The following FMN2 variants were observed in gnomAD, a reference collection of about 807,000 sequenced individuals.
FMN2 encodes the protein formin-2.
Under a neutral mutation model 142.3 loss-of-function variants are expected in FMN2, and 51 were observed. That is an observed-to-expected ratio of 0.36 (90% CI 0.29 to 0.45). The LOEUF is 0.45. Ranked by LOEUF, FMN2 falls within the 20% of genes least tolerant of loss-of-function variation. FMN2 has a pLI of 1.00. For synonymous variants in FMN2, 882 were observed against 869.8 expected, an observed-to-expected ratio of 1.01 and a Z score of -0.25; for missense variants, 1,936 against 2,122.8, an observed-to-expected ratio of 0.91 and a Z score of 1.73.
At chr1:240,343,806 C>G (rs113327437) in intron 13 of FMN2, among the ~76,000 whole-genome samples, 50 of 152,214 alleles carry the variant, frequency 3.3e-4, no homozygotes, top group African/African-American at 1.2e-3. Context: ...AAGACATAGA[C>G]GTACGTAGTG....
intron 8 of FMN2, among the ~76,000 whole-genome samples, chr1:240,308,265 A>G (rs1670480490): frequency 6.6e-6 from 1 of 152,206 alleles, no homozygotes; most frequent in Admixed American, 6.5e-5. Context: ...AGGGAGGGGA[A>G]CATTGTAGAA....
intron 7 of FMN2, among the ~76,000 whole-genome samples, chr1:240,293,868 TTAAA>T (rs1373405065): frequency 6.6e-6 from 1 of 152,216 alleles, no homozygotes; most frequent in Non-Finnish European, 1.5e-5. Context: ...ACTTGTCTTT[TTAAA>T]TTCTTTCTTG....
intron 7 of FMN2, among the ~76,000 whole-genome samples, chr1:240,289,462 G>A (rs1398618605): frequency 2.0e-5 from 3 of 152,000 alleles, no homozygotes; most frequent in Non-Finnish European, 4.4e-5. Flanking sequence ...GAGGCCAGGA[G>A]TTCAAGACCG....
intron 1 of FMN2, among the ~76,000 whole-genome samples, chr1:240,122,897 C>A (rs80264072): frequency 0.088 from 13,465 of 152,150 alleles, 672 homozygotes; most frequent in African/African-American, 0.11. Flanking sequence ...AATTAAAAAT[C>A]TTAGATGGAA....
chr1:240,338,379 C>G (rs1671633344), intron 13 of FMN2, among the ~76,000 whole-genome samples: 1 of 152,008 alleles, frequency 6.6e-6, no homozygotes, highest in South Asian at 2.1e-4. Flanking sequence ...CTTTTTTCCC[C>G]TTATGTTTGA....
intron 3 of FMN2, among the ~76,000 whole-genome samples, chr1:240,183,009 C>T (rs1033144394): frequency 2.6e-5 from 4 of 151,746 alleles, no homozygotes; most frequent in Non-Finnish European, 4.4e-5. Context: ...CTTCGTCACC[C>T]GAGCTCAAGT....
intron 13 of FMN2, among the ~76,000 whole-genome samples, chr1:240,352,772 T>C (rs1238665168): frequency 6.6e-6 from 1 of 152,236 alleles, no homozygotes; most frequent in Admixed American, 6.5e-5. Context: ...ATTTATGACA[T>C]GATTTAAGTA....
Position 240,355,733 on chromosome 1 carries a change from A to G in FMN2, c.4766-83A>G, listed in dbSNP as rs531714581. 851 of 896,650 alleles carry G rather than the reference A, an allele frequency of 9.5e-4. 9 individuals are homozygous for G. The highest frequency in any genetic ancestry group is 1.3e-3 in the Admixed American group (60 of 46,236). 55.5% of individuals were successfully genotyped at this position (896,650 alleles called of 1,614,324 possible). A position where few individuals can be genotyped will look rare whatever the true frequency, so the allele number is the denominator to read the frequency against. ...ATTAGGGGAGTTAACAGAATTTTCT[A>G]ACATTAGCTAAGATGTTTTCAAAAT... On this transcript the variant is annotated intron_variant, in intron 13 of 17. Transcript: ENST00000319653.
At chr1:240,223,673 G>A (rs2103427695) in intron 6 of FMN2, among the ~76,000 whole-genome samples, 1 of 152,254 alleles carries the variant, frequency 6.6e-6, no homozygotes, top group African/African-American at 2.4e-5. Flanking sequence ...CTTGTTATTG[G>A]TTTATTCAGG....
intron 6 of FMN2, among the ~76,000 whole-genome samples, chr1:240,246,202 T>TA (rs535256684): frequency 6.6e-6 from 1 of 151,848 alleles, no homozygotes; most frequent in African/African-American, 2.4e-5. Flanking sequence ...TAAAAATAAA[T>TA]AAAAAAAGTA....
chr1:240,185,047 T>C (rs1360918649), intron 3 of FMN2, among the ~76,000 whole-genome samples: 6 of 145,842 alleles, frequency 4.1e-5, no homozygotes, highest in African/African-American at 1.6e-4. Context: ...CTTCTCTTTC[T>C]CCCTCCTATA....
At chr1:240,204,790 GA>G (rs1444034202) in intron 4 of FMN2, among the ~76,000 whole-genome samples, 3 of 152,034 alleles carry the variant, frequency 2.0e-5, no homozygotes, top group African/African-American at 7.2e-5. Context: ...GAGATGGGGG[GA>G]AAAAGGTGCC....
intron 7 of FMN2, among the ~76,000 whole-genome samples, chr1:240,266,301 T>C (rs1033463530): frequency 6.6e-6 from 1 of 151,844 alleles, no homozygotes; most frequent in Non-Finnish European, 1.5e-5. Flanking sequence ...TTTGGGGGGG[T>C]CCAGTTTCAT....
chr1:240,105,029 A>G (rs1661551075), intron 1 of FMN2, among the ~76,000 whole-genome samples: 1 of 151,676 alleles, frequency 6.6e-6, no homozygotes, highest in African/African-American at 2.4e-5. Context: ...TTGTCAGGTC[A>G]TTAAATAAAA....
intron 16 of FMN2, among the ~76,000 whole-genome samples, chr1:240,441,529 T>G (rs1180493158): frequency 6.6e-6 from 1 of 152,152 alleles, no homozygotes; most frequent in Non-Finnish European, 1.5e-5. Context: ...ATCAACCTAT[T>G]TTCTTCAATG....
chr1:240,440,395 T>C (rs1675570129), intron 16 of FMN2, among the ~76,000 whole-genome samples: 1 of 152,170 alleles, frequency 6.6e-6, no homozygotes, highest in Admixed American at 6.5e-5. Flanking sequence ...GATGACATTA[T>C]CAATAACAAC....
At chr1:240,337,731 TAGAGAC>T (rs1671612128) in intron 13 of FMN2, among the ~76,000 whole-genome samples, 1 of 152,194 alleles carries the variant, frequency 6.6e-6, no homozygotes, top group Non-Finnish European at 1.5e-5. Context: ...TGTTTCTGCT[TAGAGAC>T]TTGATTTTTA....
chr1:240,370,906 A>G (rs928853134), intron 14 of FMN2, among the ~76,000 whole-genome samples: 4 of 152,212 alleles, frequency 2.6e-5, no homozygotes, highest in African/African-American at 7.2e-5. Context: ...TAGAGCTAAT[A>G]TATTTTAAAC....
rs1663269169 is a variant in FMN2, at chr1:240,143,177, G to A, written c.1782+19832G>A. On this transcript the variant is annotated intron_variant, in intron 2 of 17. Transcript: ENST00000319653. ...ACTGGCGCAACATTGCAGCCAGACG[G>A]GCATTATTGGTACCACTGCCCACCA... 34 of 1,583,114 alleles carry A rather than the reference G, an allele frequency of 2.1e-5. No individual in the cohort carries two copies. In the South Asian group the frequency reaches 3.6e-4, roughly 17 times the overall value.
Sources: allele counts gnomAD v4.1 joint callset (sites outside exome capture counted in the v4.1 genomes callset), GRCh38; gene constraint gnomAD v4.1.1; transcripts MANE v1.5; gene names NCBI Gene and HGNC (gene_info 2026-07-23, HGNC 2026-07-21).